The following CTNNA3 variants were observed in gnomAD, a reference collection of about 807,000 sequenced individuals.
CTNNA3 encodes catenin alpha-3.
A neutral mutation model predicts 95.7 loss-of-function variants in CTNNA3; 76 were observed. The ratio of observed to expected loss-of-function variants is 0.79; its 90% CI spans 0.66 to 0.96. The LOEUF (loss-of-function observed/expected upper bound fraction) is 0.96. Ranked by LOEUF, CTNNA3 falls within the 40% of genes least tolerant of loss-of-function variation. The pLI is 0.00. For synonymous variants in CTNNA3, 431 were observed against 374.4 expected (o/e 1.15, Z -1.74); for missense variants, 1,191 against 1,089.8 (o/e 1.09, Z -1.31).
At chr10:66,435,749 T>C (rs1242907070) in intron 11 of CTNNA3, among the ~76,000 whole-genome samples, 1 of 152,188 alleles carries the variant, frequency 6.6e-6, no homozygotes, top group Non-Finnish European at 1.5e-5. Context: ...ATTGCTTCTC[T>C]AGTTCTTTTC....
At chr10:66,985,384 T>C (rs1850671521) in intron 7 of CTNNA3, among the ~76,000 whole-genome samples, 1 of 152,084 alleles carries the variant, frequency 6.6e-6, no homozygotes, top group East Asian at 1.9e-4. Context: ...GCTCAGAACA[T>C]GAAAATATAG....
intron 7 of CTNNA3, among the ~76,000 whole-genome samples, chr10:67,044,336 A>C (rs1296596783): frequency 1.3e-5 from 2 of 152,192 alleles, no homozygotes; most frequent in Non-Finnish European, 2.9e-5. Flanking sequence ...AAAACGTTTA[A>C]AGTTTATTTC....
At chr10:66,168,360 T>G in intron 13 of CTNNA3, among the ~76,000 whole-genome samples, 1 of 151,266 alleles carries the variant, frequency 6.6e-6, no homozygotes, top group East Asian at 1.9e-4. Flanking sequence ...ATTTATTATT[T>G]TTTTTTAAAA....
At chr10:66,161,990 T>C (rs927775402) in intron 13 of CTNNA3, among the ~76,000 whole-genome samples, 1 of 152,144 alleles carries the variant, frequency 6.6e-6, no homozygotes, top group Non-Finnish European at 1.5e-5. Flanking sequence ...TTCAATTCTA[T>C]TGATGAGACT....
At chr10:67,068,167 A>G (rs942232264) in intron 7 of CTNNA3, among the ~76,000 whole-genome samples, 4 of 152,204 alleles carry the variant, frequency 2.6e-5, no homozygotes, top group Non-Finnish European at 4.4e-5. Flanking sequence ...AGTGGAAAAT[A>G]GAAGAGAAGG....
chr10:66,224,031 T>TA (rs1488190298), intron 13 of CTNNA3, among the ~76,000 whole-genome samples: 1 of 151,966 alleles, frequency 6.6e-6, no homozygotes, highest in Admixed American at 6.6e-5. Context: ...GCCCTGTCTC[T>TA]AAAAAAATAA....
intron 9 of CTNNA3, among the ~76,000 whole-genome samples, chr10:66,731,712 T>A (rs1370829995): frequency 1.3e-5 from 2 of 152,192 alleles, no homozygotes; most frequent in African/African-American, 4.8e-5. Context: ...AATCACTTTA[T>A]CATGGTGTAT....
rs1230583902 is a variant in CTNNA3, at chr10:67,692,330, G to A, written c.-6+3670C>T. On this transcript the variant is annotated intron_variant, in intron 1 of 17. Coordinates refer to ENST00000433211, the MANE Select transcript of CTNNA3 (RefSeq NM_013266.4). Reference sequence around the variant, plus strand: ...AAGGTGGGGGAAAGATTGAGAAATCGGATGGTTGCCGTGTCTGTGTAGAAA... The same window carrying A: ...AAGGTGGGGGAAAGATTGAGAAATCAGATGGTTGCCGTGTCTGTGTAGAAA... Among the ~76,000 whole-genome samples, 7 of 147,784 alleles carry A rather than the reference G, an allele frequency of 4.7e-5. No individual in the cohort carries two copies. In the South Asian group the frequency reaches 8.9e-4, roughly 19 times the overall value.
Position 65,914,482 on chromosome 10 carries a change from T to C in CTNNA3, c.*5848A>G, listed in dbSNP as rs906182302. On this transcript the variant is annotated 3_prime_UTR_variant, in exon 18 of 18. Coordinates refer to ENST00000433211, the MANE Select transcript of CTNNA3 (RefSeq NM_013266.4). ...CCATGTAATTTTAAAACACAAAGTTTACCTGTATTCAGGCACATACTATGC... is the reference window on the plus strand; with the variant it reads ...CCATGTAATTTTAAAACACAAAGTTCACCTGTATTCAGGCACATACTATGC... The C allele has an allele frequency of 1.3e-5, 2 of 152,162 alleles. No individual in the cohort carries two copies. The highest frequency in any genetic ancestry group is 2.4e-5 in the African/African-American group (1 of 41,456). 9.4% of individuals were successfully genotyped at this position (152,162 alleles called of 1,614,324 possible).
chr10:67,750,180 T>C, intron 1 of CTNNA3: 3 of 1,208,136 alleles, frequency 2.5e-6, no homozygotes, highest in Non-Finnish European at 3.6e-6. Flanking sequence ...CGTGGCTTCA[T>C]TCTTGAAGTC....
intron 13 of CTNNA3, among the ~76,000 whole-genome samples, chr10:66,197,769 A>G (rs7094571): frequency 0.65 from 98,373 of 151,328 alleles, 32,138 homozygotes; most frequent in African/African-American, 0.72. Context: ...AGACTAGTAA[A>G]GGCCAGCTGT....
At chr10:66,092,313 A>T (rs972612531) in intron 14 of CTNNA3, among the ~76,000 whole-genome samples, 3 of 151,946 alleles carry the variant, frequency 2.0e-5, no homozygotes, top group African/African-American at 7.2e-5. Context: ...TCAACACAGC[A>T]TTCAGAAAGA....
intron 15 of CTNNA3, among the ~76,000 whole-genome samples, chr10:66,060,013 A>G (rs181334037): frequency 6.6e-6 from 1 of 152,148 alleles, no homozygotes; most frequent in Admixed American, 6.6e-5. Flanking sequence ...TGTATTATTT[A>G]TTCAAGGAAG....
intron 9 of CTNNA3, among the ~76,000 whole-genome samples, chr10:66,719,271 T>C (rs1332918455): frequency 1.3e-5 from 2 of 152,212 alleles, no homozygotes; most frequent in African/African-American, 2.4e-5. Flanking sequence ...ATAGTGTCTC[T>C]AGTACAATGT....
intron 5 of CTNNA3, among the ~76,000 whole-genome samples, chr10:67,398,439 A>G (rs1020683922): frequency 2.0e-5 from 3 of 152,144 alleles, no homozygotes; most frequent in African/African-American, 7.2e-5. Context: ...CTGTACCCCC[A>G]TTTTACCTAG....
chr10:66,116,735 G>A (rs1179702042), intron 13 of CTNNA3, among the ~76,000 whole-genome samples: 2 of 152,126 alleles, frequency 1.3e-5, no homozygotes, highest in African/African-American at 2.4e-5. Context: ...CACAGGCTGT[G>A]TAAGAGGCAT....
At chr10:66,642,049 T>C (rs1845533508) in intron 9 of CTNNA3, among the ~76,000 whole-genome samples, 1 of 152,112 alleles carries the variant, frequency 6.6e-6, no homozygotes, top group South Asian at 2.1e-4. Flanking sequence ...AGGCAGCAGA[T>C]AGTCACAATT....
At chr10:66,054,556 C>T (rs2080034529) in intron 15 of CTNNA3, among the ~76,000 whole-genome samples, 1 of 152,096 alleles carries the variant, frequency 6.6e-6, no homozygotes, top group Non-Finnish European at 1.5e-5. Context: ...ATCTTTTGTA[C>T]ATTTTTGATT....
chr10:66,049,262 G>A (rs2079899155), intron 15 of CTNNA3, among the ~76,000 whole-genome samples: 1 of 152,136 alleles, frequency 6.6e-6, no homozygotes, highest in Non-Finnish European at 1.5e-5. Flanking sequence ...AGTTAGAATA[G>A]CTATTATTAA....
Sources: allele counts gnomAD v4.1 joint callset (sites outside exome capture counted in the v4.1 genomes callset), GRCh38; gene constraint gnomAD v4.1.1; transcripts MANE v1.5; gene names NCBI Gene and HGNC (gene_info 2026-07-23, HGNC 2026-07-21).